Variants in CEP78 observed in about 807,000 individuals in gnomAD.
The protein encoded by CEP78 is centrosomal protein of 78 kDa.
In CEP78, 76 loss-of-function variants were observed where a neutral mutation model predicts 81.2. That is an observed-to-expected ratio of 0.94 (90% confidence interval 0.78 to 1.13). CEP78 has a LOEUF of 1.13. Ranked by LOEUF, CEP78 falls within the 50% of genes most tolerant of loss-of-function variation. The probability of loss-of-function intolerance (pLI) is 0.00; values close to 1 mark genes in which losing one functional copy is unlikely to be tolerated. For synonymous variants in CEP78, 293 were observed against 301.4 expected, an observed-to-expected ratio of 0.97 and a Z score of 0.29; for missense variants, 918 against 846.8, an observed-to-expected ratio of 1.08 and a Z score of -1.04.
intron 13 of CEP78, 64 bp from the exon 14 acceptor site, chr9:78,265,308 T>C (rs1587607200): frequency 7.8e-7 from 1 of 1,283,640 alleles, no homozygotes; most frequent in East Asian, 2.4e-5. Flanking sequence ...TTTGGGGAAA[T>C]GTAAGCTGTT....
rs1483034694 is a variant in CEP78, at chr9:78,241,789, A to G, written c.593A>G (p.Lys198Arg). 1.9e-6 allele frequency: 3 copies of G among 1,578,014 alleles called. No individual in the cohort carries two copies. The highest frequency in any genetic ancestry group is 2.6e-6 in the Non-Finnish European group (3 of 1,148,604). Residue 198 changes from lysine (K) to arginine (R), a missense_variant, in exon 4 of 17, where the codon AAG becomes AGG. Physicochemically the swap from Lys to Arg is conservative, Grantham distance 26 (BLOSUM62 2). Transcript: ENST00000643273. ...LTWQGADHMA[K>R]ILKYQTMRRH... ...TGGCAGGGAGCAGATCACATGGCCAAGATCTTAAAGGTAACTTTATGTTCC... is the reference window on the plus strand; with the variant it reads ...TGGCAGGGAGCAGATCACATGGCCAGGATCTTAAAGGTAACTTTATGTTCC...
At position 78,277,446 on chromosome 9, in the gene CEP78, G is replaced by C. The variant is rs1017558009; in HGVS notation, c.*6595G>C. On this transcript the variant is annotated 3_prime_UTR_variant, in exon 17 of 17. Coordinates refer to ENST00000643273, the MANE Select transcript of CEP78 (RefSeq NM_001330691.3). ...TACAAACAACAAAAATTGGACAAAG[G>C]CTATAAAAATATTTTATAAATAAGA... 6.6e-6 allele frequency: 1 copy of C among 151,970 alleles called. No individual in the cohort carries two copies. Among genetic ancestry groups the C allele is most frequent in the Non-Finnish European group, 1.5e-5 (1 of 67,986 alleles). The allele number at this position is 151,970 out of a possible 1,614,324, so 9.4% of individuals were successfully genotyped here.
At position 78,240,052 on chromosome 9, in the gene CEP78, C is replaced by G. The variant is rs763213647; in HGVS notation, c.283C>G (p.Arg95Gly). The part of the protein sequence containing the change: ...GSDMNKFCRS[R>G]VPAIRYKDVT... ...TGACATGAATAAATTTTGCAGAAGT[C>G]GTGTTCCTGCGATAAGATACAAAGA... Residue 95 changes from arginine (R) to glycine (G), a missense_variant, in exon 2 of 17, where the codon CGT becomes GGT. Transcript: ENST00000643273. 1.3e-6 allele frequency: 2 copies of G among 1,580,988 alleles called. No homozygotes were observed. The highest frequency in any genetic ancestry group is 1.7e-6 in the Non-Finnish European group (2 of 1,171,812).
intron 16 of CEP78, chr9:78,267,058 T>C (rs200025148): frequency 2.0e-5 from 23 of 1,144,316 alleles, no homozygotes; most frequent in Non-Finnish European, 2.7e-5. Flanking sequence ...TAAATTTTCT[T>C]ATGTTTTTAT....
intron 1 of CEP78, among the ~76,000 whole-genome samples, chr9:78,238,255 A>G (rs1272947763): frequency 6.6e-6 from 1 of 152,200 alleles, no homozygotes. Flanking sequence ...GAAACACAGC[A>G]GCGTCTTTCC....
chr9:78,240,057 TC>T lies in CEP78; in HGVS notation c.290del (p.Pro97LeufsTer3). ...TGAATAAATTTTGCAGAAGTCGTGT[TC>T]CTGCGATAAGATACAAAGATGTGAC... ...DMNKFCRSRV[P>X]AIRYKDVTFQ... is the part of the protein sequence containing the mutation. On this transcript the variant is annotated frameshift_variant, in exon 2 of 17. Transcript: ENST00000643273. LOFTEE classifies it high-confidence loss of function. 1 of 1,583,146 alleles carries T rather than the reference TC, an allele frequency of 6.3e-7. No individual in the cohort carries two copies. Among genetic ancestry groups the T allele is most frequent in the Non-Finnish European group, 8.5e-7 (1 of 1,172,604 alleles).
In CEP78 at chr9:78,254,932, G is replaced by C. The variant is rs1163691176; in HGVS notation, c.1348G>C (p.Glu450Gln). 1 of 1,611,488 alleles carries C rather than the reference G, an allele frequency of 6.2e-7. No homozygotes were observed. Among genetic ancestry groups the C allele is most frequent in the South Asian group, 1.1e-5 (1 of 90,916 alleles). Residue 450 changes from glutamate (E) to glutamine (Q), a missense_variant, in exon 11 of 17, where the codon GAG (glutamate) becomes CAG (glutamine). Physicochemically the swap from Glu to Gln is conservative, Grantham distance 29. Transcript: ENST00000643273. The stretch of plus-strand genomic sequence containing the variant: ...TTCAGAGAGTGTTCATGAAGTGCCT[G>C]AGAAAACTAGTATAGAACAAGAAGC... The part of the protein sequence containing the change: ...DSSESVHEVP[E>Q]KTSIEQEALQ...
chr9:78,254,903 A>T lies in CEP78; in HGVS notation c.1319A>T (p.Asp440Val). The stretch of plus-strand genomic sequence containing the variant: ...TCCTCTGAAGTTGAAGAGGTTGATG[A>T]TTCTTCAGAGAGTGTTCATGAAGTG... Reference protein sequence around the residue: ...PSSSEVEEVDDSSESVHEVPE... With the variant: ...PSSSEVEEVDVSSESVHEVPE... The change falls in exon 11 of 17, where the codon GAT becomes GTT. Residue 440 changes from aspartate to valine, a missense_variant. Physicochemically the swap from Asp to Val is radical, Grantham distance 152. Transcript: ENST00000643273. The T allele has an allele frequency of 1.2e-6, 2 of 1,610,160 alleles. No individual in the cohort carries two copies. Among genetic ancestry groups the T allele is most frequent in the Non-Finnish European group, 1.7e-6 (2 of 1,176,770 alleles).
In CEP78 at chr9:78,241,670, G is replaced by A. The variant is rs767178604; in HGVS notation, c.500-26G>A. ...GGTTGTATATGCTCTTCATCTTATTGTATGTGGTTTTTTTTTCCATTTTAG... is the reference window on the plus strand; with the variant it reads ...GGTTGTATATGCTCTTCATCTTATTATATGTGGTTTTTTTTTCCATTTTAG... On this transcript the variant is annotated intron_variant, in intron 3 of 16. Transcript: ENST00000643273. The A allele has an allele frequency of 5.5e-6, 6 of 1,097,672 alleles. No homozygotes were observed. The East Asian group carries it at 1.4e-4, about 26-fold the overall frequency. 68.0% of individuals were successfully genotyped at this position (1,097,672 alleles called of 1,614,324 possible). A position where few individuals can be genotyped will look rare whatever the true frequency, so the allele number is the denominator to read the frequency against.
intron 13 of CEP78, among the ~76,000 whole-genome samples, chr9:78,264,956 T>C (rs1827448396): frequency 6.6e-6 from 1 of 152,158 alleles, no homozygotes; most frequent in Non-Finnish European, 1.5e-5. Flanking sequence ...TTATGTTTTG[T>C]AGGTGAACGG....
intron 11 of CEP78, among the ~76,000 whole-genome samples, chr9:78,256,633 C>T (rs138242999): frequency 2.0e-5 from 3 of 149,890 alleles, no homozygotes; most frequent in East Asian, 2.0e-4. Context: ...TCCGGGTTCA[C>T]GCCATTCTCC....
Position 78,243,608 on chromosome 9 carries a change from C to T in CEP78, c.750C>T (p.Asp250=). Residue 250 remains aspartate, a synonymous_variant, in exon 5 of 17, where the codon GAC becomes GAT. Transcript: ENST00000643273. Reference sequence around the variant, plus strand: ...ACCTAGGTGCATGTGCTTTTGCAGACTCTCTCAGTGAGGATTTATGGCTGA... The same window carrying T: ...ACCTAGGTGCATGTGCTTTTGCAGATTCTCTCAGTGAGGATTTATGGCTGA... ...IGDLGACAFA[D]SLSEDLWLRA... The T allele has an allele frequency of 6.2e-7, 1 of 1,613,660 alleles. No homozygotes were observed. Among genetic ancestry groups the T allele is most frequent in the Non-Finnish European group, 8.5e-7 (1 of 1,179,728 alleles).
Position 78,243,479 on chromosome 9 carries a change from G to A in CEP78, c.621G>A (p.Arg207=), listed in dbSNP as rs976571270. The A allele has an allele frequency of 8.1e-6, 13 of 1,613,014 alleles. No individual in the cohort carries two copies. The highest frequency in any genetic ancestry group is 1.1e-5 in the Non-Finnish European group (13 of 1,179,484). ...AKILKYQTMR[R]HEETWAESLR... is the part of the protein sequence containing the mutation. ...CTTTGAAGTATCAGACCATGAGAAG[G>A]CATGAAGAAACCTGGGCTGAGAGTC... Residue 207 remains arginine (R), a synonymous_variant, in exon 5 of 17, where the codon AGG becomes AGA. Transcript: ENST00000643273.
In CEP78 at chr9:78,248,770, G is replaced by A. The variant is rs1322721879; in HGVS notation, c.966G>A (p.Trp322Ter). The change falls in exon 8 of 17, where the codon TGG becomes TGA. Residue 322 changes from tryptophan to a stop codon, truncating the protein, a stop_gained. Coordinates refer to ENST00000643273, the MANE Select transcript of CEP78 (RefSeq NM_001330691.3). LOFTEE classifies it high-confidence loss of function. ...TATTCTGTCTCTTTTAGTACCAGTG[G>A]ATAACTTCTCCATCAGTGAAGGAAC... Reference protein sequence around the residue: ...NGRSAKSEYQWITSPSVKEPS... With the variant: ...NGRSAKSEYQ 3 of 1,555,518 alleles carry A rather than the reference G, an allele frequency of 1.9e-6. No individual in the cohort carries two copies. The highest frequency in any genetic ancestry group is 2.6e-6 in the Non-Finnish European group (3 of 1,139,076).
At chr9:78,249,887 G>C (rs1350595944) in intron 8 of CEP78, 4 of 171,986 alleles carry the variant, frequency 2.3e-5, no homozygotes, top group Non-Finnish European at 3.7e-5. Context: ...AAAAAGGTTT[G>C]TGGTGACTTT....
chr9:78,248,411 G>T (rs1004533380), intron 7 of CEP78, 56 bp downstream of exon 7: 1 of 1,139,430 alleles, frequency 8.8e-7, no homozygotes, highest in South Asian at 1.3e-5. Flanking sequence ...TTTTCTTCTG[G>T]GATCTCACTG....
chr9:78,250,052 A>G, intron 8 of CEP78: 1 of 376,684 alleles, frequency 2.7e-6, no homozygotes, highest in Non-Finnish European at 4.7e-6. Context: ...TTAACATAAA[A>G]TATAAAACAT....
intron 12 of CEP78, among the ~76,000 whole-genome samples, chr9:78,263,889 CA>C (rs1191803643): frequency 6.6e-6 from 1 of 151,692 alleles, no homozygotes; most frequent in Non-Finnish European, 1.5e-5. Context: ...TAGAATGATC[CA>C]GGTATGTATT....
Position 78,243,637 on chromosome 9 carries a change from G to A in CEP78, c.778+1G>A, listed in dbSNP as rs1826338661. ...CTCAGTGAGGATTTATGGCTGAGAG[G>A]TAAGTTAAATGAACTTGTAAGGTGG... is the stretch of plus-strand genomic sequence containing the variant. On this transcript the variant is annotated splice_donor_variant, in intron 5 of 16. Coordinates refer to ENST00000643273, the MANE Select transcript of CEP78 (RefSeq NM_001330691.3). LOFTEE classifies it high-confidence loss of function. 1 of 1,611,406 alleles carries A rather than the reference G, an allele frequency of 6.2e-7. No homozygotes were observed. The highest frequency in any genetic ancestry group is 8.5e-7 in the Non-Finnish European group (1 of 1,178,518).
Sources: allele counts gnomAD v4.1 joint callset (sites outside exome capture counted in the v4.1 genomes callset), GRCh38; gene constraint gnomAD v4.1.1; transcripts MANE v1.5; gene names NCBI Gene and HGNC (gene_info 2026-07-23, HGNC 2026-07-21).